TMTC2: variants seen among roughly 807,000 people sequenced by gnomAD.
The protein encoded by TMTC2 is protein O-mannosyl-transferase TMTC2.
TMTC2 carries 43 observed loss-of-function variants against 82.4 expected under a neutral mutation model. The ratio of observed to expected loss-of-function variants is 0.52; its 90% CI spans 0.41 to 0.67. The LOEUF is 0.67. Among genes scored for constraint, TMTC2 ranks in the 30% least tolerant of loss-of-function variants. The pLI is 0.00. For missense variants in TMTC2, 919 were observed against 1,012.4 expected (o/e 0.91, Z 1.25); for synonymous variants, 408 against 381.9 (o/e 1.07, Z -0.80).
At chr12:82,799,838 G>A (rs1034967141) in intron 1 of TMTC2, among the ~76,000 whole-genome samples, 1 of 152,108 alleles carries the variant, frequency 6.6e-6, no homozygotes, top group African/African-American at 2.4e-5. Context: ...TACTGTAGTT[G>A]TGGTGTTCTT....
chr12:82,846,732 G>A (rs1346624462), intron 1 of TMTC2, among the ~76,000 whole-genome samples: 1 of 152,092 alleles, frequency 6.6e-6, no homozygotes, highest in African/African-American at 2.4e-5. Context: ...TTGGGTGTCT[G>A]ACAACAGGCT....
chr12:82,968,394 T>TA (rs1878313960), intron 7 of TMTC2, among the ~76,000 whole-genome samples: 1 of 152,184 alleles, frequency 6.6e-6, no homozygotes. Flanking sequence ...GCGCTTAGGA[T>TA]ATGTAGATTT....
intron 11 of TMTC2, among the ~76,000 whole-genome samples, chr12:83,105,860 C>T (rs146170431): frequency 2.2e-4 from 34 of 152,230 alleles, no homozygotes; most frequent in Middle Eastern, 3.4e-3. Flanking sequence ...AAAGAAAACA[C>T]GGACATCACA....
intron 8 of TMTC2, among the ~76,000 whole-genome samples, chr12:82,995,188 A>G (rs1879562469): frequency 6.6e-6 from 1 of 152,216 alleles, no homozygotes. Flanking sequence ...TTAAAACAGC[A>G]TCTGGTCTAA....
Position 82,895,907 on chromosome 12 carries a change from CA to C in TMTC2, c.747del (p.Lys249AsnfsTer80). ...GTGCCCGGTTATACTGGATGGGAAA[CA>C]AACCACCAAGCTTTTCCAACTCGGA... is the stretch of plus-strand genomic sequence containing the variant. ...LGARLYWMGN[K>X]PPSFSNSDNP... On this transcript the variant is annotated frameshift_variant, in exon 3 of 12. Coordinates refer to ENST00000321196, the MANE Select transcript of TMTC2 (RefSeq NM_152588.3). LOFTEE classifies it high-confidence loss of function. The C allele has an allele frequency of 1.2e-6, 2 of 1,613,922 alleles. No homozygotes were observed. The highest frequency in any genetic ancestry group is 1.7e-6 in the Non-Finnish European group (2 of 1,179,994).
chr12:83,092,556 A>G (rs1033495723), intron 11 of TMTC2, among the ~76,000 whole-genome samples: 7 of 152,136 alleles, frequency 4.6e-5, no homozygotes, highest in Non-Finnish European at 1.0e-4. Context: ...AGAAAAGGAA[A>G]CCAGATTGTA....
At chr12:83,014,489 G>A (rs911765278) in intron 8 of TMTC2, among the ~76,000 whole-genome samples, 16 of 152,224 alleles carry the variant, frequency 1.1e-4, no homozygotes, top group African/African-American at 3.4e-4. Flanking sequence ...ACAGGCGTCC[G>A]CCACCACACC....
At chr12:82,890,224 A>T (rs1157491266) in intron 2 of TMTC2, among the ~76,000 whole-genome samples, 2 of 151,922 alleles carry the variant, frequency 1.3e-5, no homozygotes, top group Non-Finnish European at 2.9e-5. Context: ...CTTTTCTCTG[A>T]ATTTCCTGGC....
intron 10 of TMTC2, among the ~76,000 whole-genome samples, chr12:83,058,386 G>C (rs895221884): frequency 6.6e-6 from 1 of 151,720 alleles, no homozygotes; most frequent in Non-Finnish European, 1.5e-5. Context: ...GGGAATTCAG[G>C]GTTTACTTCC....
At chr12:83,117,563 T>A (rs1355634785) in intron 11 of TMTC2, among the ~76,000 whole-genome samples, 1 of 152,208 alleles carries the variant, frequency 6.6e-6, no homozygotes, top group African/African-American at 2.4e-5. Flanking sequence ...TATGGCCTTA[T>A]AGTGTAGTTT....
At chr12:82,773,196 C>A (rs1325786021) in intron 1 of TMTC2, among the ~76,000 whole-genome samples, 4 of 152,152 alleles carry the variant, frequency 2.6e-5, no homozygotes, top group Non-Finnish European at 4.4e-5. Flanking sequence ...TATTGGTTGT[C>A]ACCAGTGACT....
chr12:83,032,181 G>A (rs1209418152), intron 9 of TMTC2, among the ~76,000 whole-genome samples: 1 of 148,960 alleles, frequency 6.7e-6, no homozygotes, highest in Non-Finnish European at 1.5e-5. Flanking sequence ...TCTGCTGTCT[G>A]CATTTCATTT....
chr12:82,882,743 T>C lies in TMTC2; in HGVS notation c.655-13075T>C, dbSNP rs983528889. Among the ~76,000 whole-genome samples, 6 of 152,236 alleles carry C rather than the reference T, an allele frequency of 3.9e-5. No homozygotes were observed. The East Asian group carries it at 1.2e-3, about 29-fold the overall frequency. On this transcript the variant is annotated intron_variant, in intron 2 of 11. Transcript: ENST00000321196. ...TATGAAACTGATGGATGCTTTCCTATGTGAAAACTTTAGTTTAAAAACTAT... is the reference window on the plus strand; with the variant it reads ...TATGAAACTGATGGATGCTTTCCTACGTGAAAACTTTAGTTTAAAAACTAT...
At chr12:82,920,611 T>A (rs1010204568) in intron 3 of TMTC2, among the ~76,000 whole-genome samples, 2 of 152,082 alleles carry the variant, frequency 1.3e-5, no homozygotes, top group African/African-American at 4.8e-5. Context: ...GATATAAGAG[T>A]TATTCCTACT....
chr12:82,702,028 C>T (rs1873108796), intron 1 of TMTC2, among the ~76,000 whole-genome samples: 1 of 152,158 alleles, frequency 6.6e-6, no homozygotes, highest in South Asian at 2.1e-4. Context: ...ATTTCCCCTG[C>T]CCCCACCCCA....
chr12:82,875,824 GAT>G (rs1872456435), intron 2 of TMTC2, among the ~76,000 whole-genome samples: 3 of 139,596 alleles, frequency 2.1e-5, no homozygotes, highest in Admixed American at 1.6e-4. Context: ...AAATTATTTA[GAT>G]ATATTGAACA....
intron 1 of TMTC2, among the ~76,000 whole-genome samples, chr12:82,834,284 G>A (rs1038976809): frequency 2.0e-5 from 3 of 152,294 alleles, no homozygotes; most frequent in Non-Finnish European, 4.4e-5. Context: ...GTGATTATCC[G>A]TCTTAGAGGT....
intron 4 of TMTC2, 83 bp from the exon 5 acceptor site, chr12:82,964,941 A>T (rs1190072871): frequency 3.6e-6 from 3 of 843,482 alleles, no homozygotes; most frequent in Non-Finnish European, 3.6e-6. Context: ...AACCATTTTT[A>T]TTTTTGGAAT....
At chr12:82,867,831 G>T (rs1471351970) in intron 2 of TMTC2, among the ~76,000 whole-genome samples, 2 of 151,968 alleles carry the variant, frequency 1.3e-5, no homozygotes, top group Non-Finnish European at 2.9e-5. Flanking sequence ...ATGACATATT[G>T]TAATAAAAGC....
Sources: allele counts gnomAD v4.1 joint callset (sites outside exome capture counted in the v4.1 genomes callset), GRCh38; gene constraint gnomAD v4.1.1; transcripts MANE v1.5; gene names NCBI Gene and HGNC (gene_info 2026-07-23, HGNC 2026-07-21).